The following FGF14 variants were observed in gnomAD, a reference collection of about 807,000 sequenced individuals.
FGF14 encodes fibroblast growth factor homologous factor 4.
A neutral mutation model predicts 25.5 loss-of-function variants in FGF14; 5 were observed. The ratio of observed to expected loss-of-function variants is 0.20; its 90% CI spans 0.10 to 0.41. The LOEUF (loss-of-function observed/expected upper bound fraction) is 0.41, where lower values mean the gene tolerates loss of function less well. Among genes scored for constraint, FGF14 ranks in the 10% least tolerant of loss-of-function variants. The pLI is 1.00. For missense variants in FGF14, 222 were observed against 320.1 expected (o/e 0.69, Z 2.34); for synonymous variants, 138 against 118.3 (o/e 1.17, Z -1.08).
At chr13:102,176,938 C>G (rs1282273135) in intron 1 of FGF14, among the ~76,000 whole-genome samples, 1 of 152,010 alleles carries the variant, frequency 6.6e-6, no homozygotes, top group Non-Finnish European at 1.5e-5. Context: ...ACTAGTTGTC[C>G]CTCATTATTA....
chr13:101,728,320 C>A (rs1269265670), intron 3 of FGF14, among the ~76,000 whole-genome samples: 2 of 152,228 alleles, frequency 1.3e-5, no homozygotes, highest in Middle Eastern at 3.4e-3. Context: ...CCTCCTGGAG[C>A]AACTTATGTA....
At chr13:102,225,587 G>C (rs911850601) in intron 1 of FGF14, among the ~76,000 whole-genome samples, 2 of 152,102 alleles carry the variant, frequency 1.3e-5, no homozygotes, top group African/African-American at 4.8e-5. Context: ...CCTTGATTTT[G>C]CTCATTTCCA....
intron 3 of FGF14, among the ~76,000 whole-genome samples, chr13:101,799,908 CATG>C (rs1489805533): frequency 6.6e-6 from 1 of 152,082 alleles, no homozygotes; most frequent in Non-Finnish European, 1.5e-5. Context: ...AGGAGGGTTG[CATG>C]ATAACATGTA....
At chr13:102,385,277 T>C (rs993694721) in intron 1 of FGF14, among the ~76,000 whole-genome samples, 1 of 152,236 alleles carries the variant, frequency 6.6e-6, no homozygotes, top group East Asian at 1.9e-4. Context: ...ACCCTGAACC[T>C]ATAGAAGAAC....
chr13:101,801,376 CAG>C (rs2040860695), intron 3 of FGF14, among the ~76,000 whole-genome samples: 1 of 151,586 alleles, frequency 6.6e-6, no homozygotes. Context: ...TCTAAAGAGA[CAG>C]TATAGATTTT....
At chr13:102,380,046 G>A (rs1463879105) in intron 1 of FGF14, among the ~76,000 whole-genome samples, 1 of 152,116 alleles carries the variant, frequency 6.6e-6, no homozygotes, top group Non-Finnish European at 1.5e-5. Context: ...TCTGGTTTAA[G>A]CAAAGGTAAA....
At chr13:102,231,835 T>C (rs1019208526) in intron 1 of FGF14, among the ~76,000 whole-genome samples, 8 of 152,132 alleles carry the variant, frequency 5.3e-5, no homozygotes, top group African/African-American at 9.7e-5. Context: ...ACCTGCAAGA[T>C]AGTCAGTATG....
chr13:102,323,808 G>T (rs2138776647), intron 1 of FGF14, among the ~76,000 whole-genome samples: 1 of 152,266 alleles, frequency 6.6e-6, no homozygotes, highest in African/African-American at 2.4e-5. Flanking sequence ...TTCAGGTTCT[G>T]AGATTAATTT....
chr13:101,917,204 C>T (rs974509408), upstream of FGF14, among the ~76,000 whole-genome samples: 2 of 151,928 alleles, frequency 1.3e-5, no homozygotes, highest in African/African-American at 4.8e-5. Context: ...CGGCTTCTGC[C>T]GGTGATTGTC....
intron 1 of FGF14, among the ~76,000 whole-genome samples, chr13:102,283,261 C>A (rs568448381): frequency 7.9e-4 from 121 of 152,326 alleles, no homozygotes; most frequent in African/African-American, 2.8e-3. Flanking sequence ...ATGATCACAA[C>A]TAGCTACAAG....
chr13:102,072,873 T>A (rs2043207934), intron 1 of FGF14, among the ~76,000 whole-genome samples: 1 of 152,184 alleles, frequency 6.6e-6, no homozygotes, highest in African/African-American at 2.4e-5. Flanking sequence ...ATGTGTAAAT[T>A]GGGCGAAGAA....
chr13:102,347,846 T>C (rs985083386), intron 1 of FGF14, among the ~76,000 whole-genome samples: 2 of 152,198 alleles, frequency 1.3e-5, no homozygotes, highest in African/African-American at 4.8e-5. Flanking sequence ...GGGAGTCATT[T>C]AGCAACATGC....
intron 1 of FGF14, among the ~76,000 whole-genome samples, chr13:102,347,180 G>A (rs2138947740): frequency 6.6e-6 from 1 of 152,274 alleles, no homozygotes; most frequent in Admixed American, 6.5e-5. Context: ...GTGGACAGGA[G>A]AAGCAGACCT....
At chr13:102,343,097 G>C (rs1401928338) in intron 1 of FGF14, among the ~76,000 whole-genome samples, 2 of 152,124 alleles carry the variant, frequency 1.3e-5, no homozygotes, top group African/African-American at 2.4e-5. Context: ...AGGTATCAGT[G>C]AATCTATTTA....
chr13:102,288,632 T>C (rs1260775104), intron 1 of FGF14, among the ~76,000 whole-genome samples: 1 of 152,148 alleles, frequency 6.6e-6, no homozygotes, highest in Non-Finnish European at 1.5e-5. Flanking sequence ...TCACCCAGGC[T>C]GGAGTACAGT....
At chr13:102,026,724 G>A (rs1237500454) in intron 1 of FGF14, among the ~76,000 whole-genome samples, 1 of 152,018 alleles carries the variant, frequency 6.6e-6, no homozygotes, top group East Asian at 1.9e-4. Context: ...ATATCACTGG[G>A]TAGAGCAGTA....
intron 1 of FGF14, chr13:102,394,482 G>A (rs1378523180): frequency 3.3e-5 from 5 of 152,532 alleles, no homozygotes; most frequent in Non-Finnish European, 7.3e-5. Context: ...AGTCTCTCCC[G>A]CGCGGCGGCT....
At chr13:101,981,681 A>C (rs1465636065) in intron 1 of FGF14, among the ~76,000 whole-genome samples, 1 of 152,112 alleles carries the variant, frequency 6.6e-6, no homozygotes, top group Non-Finnish European at 1.5e-5. Context: ...AAACCCTCGA[A>C]ATTATACTAG....
intron 1 of FGF14, among the ~76,000 whole-genome samples, chr13:102,105,275 A>AT (rs1051837506): frequency 1.3e-5 from 2 of 152,142 alleles, no homozygotes; most frequent in Non-Finnish European, 1.5e-5. Flanking sequence ...AAAAATCCTT[A>AT]TTTTTTTAAG....
Sources: gnomAD v4.1 joint callset for allele counts (sites outside exome capture counted in the v4.1 genomes callset) on GRCh38, gnomAD v4.1.1 for gene constraint, MANE v1.5 for transcripts, NCBI Gene and HGNC (gene_info 2026-07-23, HGNC 2026-07-21) for gene names.